The following CLCN5 variants were observed in gnomAD, a reference collection of about 807,000 sequenced individuals.
CLCN5 encodes the protein H(+)/Cl(-) exchange transporter 5.
A neutral mutation model predicts 54.0 loss-of-function variants in CLCN5; 17 were observed. The observed-to-expected ratio is 0.31, with a 90% CI of 0.22 to 0.47. The LOEUF is 0.47. Ranked by LOEUF, CLCN5 falls within the 20% of genes least tolerant of loss-of-function variation. The pLI, the probability that CLCN5 is intolerant of heterozygous loss-of-function variation, is 1.00. For missense variants in CLCN5, 448 were observed against 646.7 expected (o/e 0.69, Z 3.33); for synonymous variants, 222 against 233.0 (o/e 0.95, Z 0.43).
At chrX:50,013,504 C>T (rs902105064) in intron 3 of CLCN5, among the ~76,000 whole-genome samples, 6 of 111,283 alleles carry the variant, frequency 5.4e-5, no homozygotes, top group Non-Finnish European at 7.5e-5. Context: ...AGGCAACAGA[C>T]ACAGGTGTGT....
chrX:50,058,159 C>T (rs1343457551), intron 4 of CLCN5, among the ~76,000 whole-genome samples: 1 of 111,590 alleles, frequency 9.0e-6, no homozygotes, highest in Non-Finnish European at 1.9e-5. Context: ...ATTTTCAAGT[C>T]CTGTGATATA....
In CLCN5 at chrX:50,080,635, C is replaced by G. The variant is rs1569540230; in HGVS notation, c.645C>G (p.Leu215=). 3.7e-5 allele frequency: 45 copies of G among 1,206,011 alleles called. No homozygotes were observed. The highest frequency in any genetic ancestry group is 4.8e-5 in the Non-Finnish European group (43 of 890,679). Residue 215 remains leucine (L), a synonymous_variant, in exon 8 of 15, where the codon CTC becomes CTG. Coordinates refer to ENST00000376091, the MANE Select transcript of CLCN5 (RefSeq NM_001127898.4). ...AYIVNYFMYV[L]WALLFAFLAV... ...TAGTCAATTATTTCATGTACGTCCT[C>G]TGGGCTCTCCTATTTGCCTTCCTTG...
chrX:49,928,983 C>A (rs1925498159), intron 3 of CLCN5, among the ~76,000 whole-genome samples: 1 of 112,037 alleles, frequency 8.9e-6, no homozygotes, highest in Admixed American at 9.4e-5. Context: ...TGCCCAACGT[C>A]AAACAGGTAG....
intron 3 of CLCN5, among the ~76,000 whole-genome samples, chrX:49,936,718 A>G (rs1926008081): frequency 8.9e-6 from 1 of 112,214 alleles, no homozygotes; most frequent in African/African-American, 3.2e-5. Flanking sequence ...ATTAGAGCGC[A>G]CTTTGAAAGA....
intron 8 of CLCN5, among the ~76,000 whole-genome samples, chrX:50,081,083 T>G (rs781943325): frequency 8.9e-6 from 1 of 112,042 alleles, no homozygotes; most frequent in East Asian, 2.8e-4. Flanking sequence ...ACAATATGAT[T>G]TAGGCTACAT....
chrX:49,939,585 C>T (rs1218237587), intron 3 of CLCN5, among the ~76,000 whole-genome samples: 1 of 110,050 alleles, frequency 9.1e-6, no homozygotes, highest in Non-Finnish European at 1.9e-5. Flanking sequence ...GAGAATTGAA[C>T]AATGAGAACA....
At position 49,982,233 on chromosome X, in the gene CLCN5, T is replaced by C. The variant is rs191696241; in HGVS notation, c.16+56919T>C. 2.9e-3 allele frequency among the ~76,000 whole-genome samples: 321 copies of C among 110,914 alleles called. 2 individuals carry two copies. Among genetic ancestry groups the C allele is most frequent in the African/African-American group, 1.0e-2 (305 of 30,586 alleles). ...TCTGCCCCTGATGGGAGACTTGTAA[T>C]GTCTTCTTTCAGGATTTCTTTTTAT... On this transcript the variant is annotated intron_variant, in intron 3 of 14. Transcript: ENST00000376091.
intron 3 of CLCN5, among the ~76,000 whole-genome samples, chrX:49,971,001 TA>T (rs1242860726): frequency 9.0e-6 from 1 of 110,597 alleles, no homozygotes; most frequent in Non-Finnish European, 1.9e-5. Flanking sequence ...GTTTTTGCAG[TA>T]CATATTTTGT....
intron 7 of CLCN5, among the ~76,000 whole-genome samples, chrX:50,080,309 AAG>A (rs1233785009): frequency 9.0e-6 from 1 of 111,553 alleles, no homozygotes; most frequent in African/African-American, 3.3e-5. Context: ...CTCATATAGA[AAG>A]AGAATTTTGT....
intron 5 of CLCN5, among the ~76,000 whole-genome samples, chrX:50,070,693 A>G (rs1557191430): frequency 8.9e-6 from 1 of 111,905 alleles, no homozygotes; most frequent in Non-Finnish European, 1.9e-5. Context: ...CAAACTGGGG[A>G]CATTAACTTA....
At chrX:50,060,253 A>G (rs1480213859) in intron 4 of CLCN5, among the ~76,000 whole-genome samples, 1 of 111,040 alleles carries the variant, frequency 9.0e-6, no homozygotes, top group African/African-American at 3.3e-5. Context: ...TACCGGGTTC[A>G]TCTCACTAGG....
intron 2 of CLCN5, among the ~76,000 whole-genome samples, chrX:49,924,164 G>GTTTTTTTTCTTTTTTTTTTT (rs1925217923): frequency 1.2e-5 from 1 of 81,511 alleles, no homozygotes. Context: ...TTTTTTTTTG[G>GTTTTTTTTCTTTTTTTTTTT]TTTGAGCCGG....
At chrX:50,070,583 A>G (rs1602110271) in intron 5 of CLCN5, among the ~76,000 whole-genome samples, 2 of 112,330 alleles carry the variant, frequency 1.8e-5, no homozygotes, top group African/African-American at 6.5e-5. Context: ...TTACTGAAGC[A>G]TACAAAGTAA....
intron 3 of CLCN5, among the ~76,000 whole-genome samples, chrX:49,949,539 G>A (rs1178451516): frequency 9.0e-6 from 1 of 111,532 alleles, no homozygotes; most frequent in Non-Finnish European, 1.9e-5. Context: ...TTTTCTAGGT[G>A]TTCTGGTTAT....
intron 4 of CLCN5, among the ~76,000 whole-genome samples, chrX:50,063,859 G>A (rs1419791690): frequency 1.8e-5 from 2 of 111,164 alleles, no homozygotes; most frequent in East Asian, 2.8e-4. Context: ...TTCAGTATAC[G>A]CAAATCAATA....
At chrX:50,090,922 G>T (rs781939890) in intron 14 of CLCN5, 36 bp downstream of exon 14, 160 of 1,084,474 alleles carry the variant, frequency 1.5e-4, no homozygotes, top group Non-Finnish European at 2.2e-5. Flanking sequence ...TTGAATTGTG[G>T]GAGAAAGAGA....
chrX:49,952,357 AT>A (rs2147290762), intron 3 of CLCN5, among the ~76,000 whole-genome samples: 1 of 108,793 alleles, frequency 9.2e-6, no homozygotes, highest in South Asian at 3.9e-4. Flanking sequence ...TATGGAGGTC[AT>A]TTGGCTTTAC....
At chrX:50,058,059 CATA>C (rs1449584777) in intron 4 of CLCN5, among the ~76,000 whole-genome samples, 2 of 111,554 alleles carry the variant, frequency 1.8e-5, no homozygotes, top group Non-Finnish European at 3.8e-5. Flanking sequence ...GTGTGTTAGG[CATA>C]ATGTTGAATT....
intron 3 of CLCN5, chrX:50,009,915 T>C (rs984819129): frequency 1.7e-5 from 5 of 301,288 alleles, no homozygotes; most frequent in African/African-American, 1.4e-4. Context: ...ATAATATGTA[T>C]TGGGCACCAT....
Sources: gnomAD v4.1 joint callset for allele counts (sites outside exome capture counted in the v4.1 genomes callset) on GRCh38, gnomAD v4.1.1 for gene constraint, MANE v1.5 for transcripts, NCBI Gene and HGNC (gene_info 2026-07-23, HGNC 2026-07-21) for gene names.